The following TSPAN9 variants were observed in gnomAD, a reference collection of about 807,000 sequenced individuals.
TSPAN9 encodes tetraspanin-9.
TSPAN9 carries 16 observed loss-of-function variants against 31.0 expected under a neutral mutation model. The ratio of observed to expected loss-of-function variants is 0.52; its 90% CI spans 0.35 to 0.78. The LOEUF (loss-of-function observed/expected upper bound fraction) is 0.78. Ranked by LOEUF, TSPAN9 falls within the 30% of genes least tolerant of loss-of-function variation. TSPAN9 has a pLI of 0.01. For synonymous variants in TSPAN9, 145 were observed against 121.6 expected (o/e 1.19, Z -1.27); for missense variants, 272 against 312.5 (o/e 0.87, Z 0.98).
intron 2 of TSPAN9, among the ~76,000 whole-genome samples, chr12:3,109,303 A>AGAGAGAGAGG (rs2098316909): frequency 3.1e-5 from 1 of 32,318 alleles, no homozygotes; most frequent in Non-Finnish European, 5.7e-5. Context: ...TGTGTGTGAG[A>AGAGAGAGAGG]GAGAGTGTGT....
chr12:3,180,045 CTA>C (rs1390111840), intron 2 of TSPAN9, among the ~76,000 whole-genome samples: 1 of 152,152 alleles, frequency 6.6e-6, no homozygotes, highest in African/African-American at 2.4e-5. Context: ...CATGGGCGGT[CTA>C]CCCATGTTCC....
chr12:3,183,241 C>G (rs997391854), intron 2 of TSPAN9, among the ~76,000 whole-genome samples: 67 of 152,210 alleles, frequency 4.4e-4, no homozygotes, highest in African/African-American at 1.6e-3. Flanking sequence ...CTGTGCTAGG[C>G]ACATCTGGAA....
intron 3 of TSPAN9, among the ~76,000 whole-genome samples, chr12:3,220,817 T>C (rs557852316): frequency 6.6e-6 from 1 of 152,036 alleles, no homozygotes; most frequent in East Asian, 1.9e-4. Context: ...CAAGGAGGGC[T>C]GTCATTTCTG....
intron 3 of TSPAN9, among the ~76,000 whole-genome samples, chr12:3,235,029 T>C (rs1238102572): frequency 7.0e-6 from 1 of 143,654 alleles, no homozygotes; most frequent in Admixed American, 6.9e-5. Flanking sequence ...TAGCCGGGCG[T>C]GGTGGTGGGC....
chr12:3,111,898 C>T (rs763410423), intron 2 of TSPAN9, among the ~76,000 whole-genome samples: 1 of 152,140 alleles, frequency 6.6e-6, no homozygotes, highest in Non-Finnish European at 1.5e-5. Context: ...CGGCTTCAGC[C>T]ACTGCACTCA....
At chr12:3,163,307 C>T (rs749818008) in intron 2 of TSPAN9, among the ~76,000 whole-genome samples, 1 of 152,240 alleles carries the variant, frequency 6.6e-6, no homozygotes, top group Non-Finnish European at 1.5e-5. Context: ...TTGAATATGA[C>T]AATCCCATCT....
chr12:3,106,764 C>T (rs558872994), intron 2 of TSPAN9, among the ~76,000 whole-genome samples: 7 of 150,444 alleles, frequency 4.7e-5, no homozygotes, highest in African/African-American at 1.0e-4. Context: ...GAGTGAGACC[C>T]TGTCTCGACA....
At chr12:3,266,649 C>T (rs113559904) in intron 3 of TSPAN9, among the ~76,000 whole-genome samples, 39 of 152,338 alleles carry the variant, frequency 2.6e-4, no homozygotes, top group African/African-American at 8.2e-4. Flanking sequence ...CACAGTCTGG[C>T]ACGGGGCAGG....
chr12:3,077,761 C>T (rs1042483915), intron 1 of TSPAN9, among the ~76,000 whole-genome samples: 41 of 152,206 alleles, frequency 2.7e-4, no homozygotes, highest in African/African-American at 6.3e-4. Flanking sequence ...GGGAGTAACC[C>T]GGGGCCGGCA....
In TSPAN9 at chr12:3,213,618, C is replaced by T. The variant is rs538287881; in HGVS notation, c.63+12362C>T. Among the ~76,000 whole-genome samples, 7 of 152,252 alleles carry T rather than the reference C, an allele frequency of 4.6e-5. No homozygotes were observed. In the East Asian group the frequency reaches 9.7e-4, roughly 21 times the overall value. On this transcript the variant is annotated intron_variant, in intron 3 of 8. Coordinates refer to ENST00000011898, the MANE Select transcript of TSPAN9 (RefSeq NM_006675.5). Reference sequence around the variant, plus strand: ...TTATGGCAGCTAAAGAGAGCTGCAGCGAAGCCCCCCTCCCCCTTCCAGCCC... The same window carrying T: ...TTATGGCAGCTAAAGAGAGCTGCAGTGAAGCCCCCCTCCCCCTTCCAGCCC...
intron 3 of TSPAN9, among the ~76,000 whole-genome samples, chr12:3,263,778 C>T (rs1332197796): frequency 6.6e-6 from 1 of 152,142 alleles, no homozygotes; most frequent in Non-Finnish European, 1.5e-5. Flanking sequence ...CCAGTCGAGC[C>T]ACTGCAGAGT....
At position 3,201,169 on chromosome 12, in the gene TSPAN9, C is replaced by T. The variant is rs740777; in HGVS notation, c.-17-8C>T. On this transcript the variant is annotated splice_polypyrimidine_tract_variant and splice_region_variant and intron_variant, in intron 2 of 8. Transcript: ENST00000011898. ...TTTACCTGGACCTGTCCTTTGTGTT[C>T]CTCCTAGAATTTAAGAAGTGCAACA... 0.32 allele frequency: 517,858 copies of T among 1,611,862 alleles called. 83,923 individuals carry two copies. The highest frequency in any genetic ancestry group is 0.4 in the Admixed American group (23,768 of 59,984).
chr12:3,167,992 A>T (rs1467297294), intron 2 of TSPAN9, among the ~76,000 whole-genome samples: 1 of 151,938 alleles, frequency 6.6e-6, no homozygotes, highest in Non-Finnish European at 1.5e-5. Flanking sequence ...TCCTCCTGGG[A>T]GGATTGGGGT....
At chr12:3,116,478 T>C (rs1452445652) in intron 2 of TSPAN9, among the ~76,000 whole-genome samples, 1 of 152,122 alleles carries the variant, frequency 6.6e-6, no homozygotes, top group Admixed American at 6.6e-5. Flanking sequence ...CCTGAGCACT[T>C]AGAATAAACG....
At chr12:3,200,979 A>G in intron 2 of TSPAN9, 198 bp from the exon 3 acceptor site, 1 of 567,668 alleles carries the variant, frequency 1.8e-6, no homozygotes, top group Non-Finnish European at 3.1e-6. Flanking sequence ...TTGGACAGCA[A>G]GGACTCGGAC....
At chr12:3,275,725 G>A (rs552340625) in intron 3 of TSPAN9, among the ~76,000 whole-genome samples, 3 of 152,366 alleles carry the variant, frequency 2.0e-5, no homozygotes, top group East Asian at 3.9e-4. Context: ...TTCTTTGGGA[G>A]CCCTGACGTG....
At chr12:3,113,195 G>A (rs1185801071) in intron 2 of TSPAN9, among the ~76,000 whole-genome samples, 1 of 152,174 alleles carries the variant, frequency 6.6e-6, no homozygotes, top group Non-Finnish European at 1.5e-5. Context: ...GTTGGGTAGC[G>A]GGAAGTGTGG....
At chr12:3,196,394 C>T (rs1038968517) in intron 2 of TSPAN9, among the ~76,000 whole-genome samples, 1 of 152,164 alleles carries the variant, frequency 6.6e-6, no homozygotes, top group Non-Finnish European at 1.5e-5. Flanking sequence ...TCAGGTTCCC[C>T]GTTGTGCTTT....
At chr12:3,148,639 G>T (rs1330720439) in intron 2 of TSPAN9, among the ~76,000 whole-genome samples, 3 of 152,228 alleles carry the variant, frequency 2.0e-5, no homozygotes, top group African/African-American at 7.2e-5. Flanking sequence ...ATCCAGAGAC[G>T]ACTGCCTGAA....
Sources: allele counts gnomAD v4.1 joint callset (sites outside exome capture counted in the v4.1 genomes callset), GRCh38; gene constraint gnomAD v4.1.1; transcripts MANE v1.5; gene names NCBI Gene and HGNC (gene_info 2026-07-23, HGNC 2026-07-21).